Variants in ALMS1 observed in about 807,000 individuals in gnomAD.
ALMS1 encodes centrosome-associated protein ALMS1.
ALMS1 carries 271 observed loss-of-function variants against 352.2 expected under a neutral mutation model. The ratio of observed to expected loss-of-function variants is 0.77; its 90% confidence interval spans 0.70 to 0.85. The LOEUF is 0.85. Among genes scored for constraint, ALMS1 ranks in the 40% least tolerant of loss-of-function variants. ALMS1 has a pLI of 0.00. For synonymous variants in ALMS1, 1,865 were observed against 1,761.2 expected (o/e 1.06, Z -1.48); for missense variants, 5,445 against 4,870.7 (o/e 1.12, Z -3.51).
chr2:73,489,918 A>C lies in ALMS1; in HGVS notation c.7959A>C (p.Pro2653=). The C allele has an allele frequency of 1.2e-6, 2 of 1,614,232 alleles. No individual in the cohort carries two copies. The highest frequency in any genetic ancestry group is 8.5e-7 in the Non-Finnish European group (1 of 1,180,044). The change falls in exon 10 of 23, where the codon CCA becomes CCC. Residue 2653 remains proline (P), a synonymous_variant. Coordinates refer to ENST00000613296, the MANE Select transcript of ALMS1 (RefSeq NM_001378454.1). ...WNSLQLKSHS[P]FQNFIPDEFK... ...CCTTGCAGTTAAAAAGTCATTCCCCATTTCAGAACTTTATACCTGATGAAT... is the reference window on the plus strand; with the variant it reads ...CCTTGCAGTTAAAAAGTCATTCCCCCTTTCAGAACTTTATACCTGATGAAT...
intron 16 of ALMS1, among the ~76,000 whole-genome samples, chr2:73,576,815 T>A (rs543113274): frequency 6.9e-4 from 105 of 152,084 alleles, no homozygotes; most frequent in Admixed American, 1.3e-3. Flanking sequence ...AGAGACAGGG[T>A]TTCACCATGT....
chr2:73,510,911 C>T (rs1341573772), intron 10 of ALMS1, among the ~76,000 whole-genome samples: 1 of 152,190 alleles, frequency 6.6e-6, no homozygotes, highest in Admixed American at 6.5e-5. Context: ...AGATGCCCTG[C>T]CCAGAGAGGA....
At chr2:73,485,544 C>G (rs1672816883) in intron 9 of ALMS1, among the ~76,000 whole-genome samples, 1 of 152,238 alleles carries the variant, frequency 6.6e-6, no homozygotes, top group African/African-American at 2.4e-5. Flanking sequence ...TGTGCCCTTC[C>G]TCCAGAGATG....
At chr2:73,518,391 T>C (rs1337522380) in intron 10 of ALMS1, among the ~76,000 whole-genome samples, 2 of 152,186 alleles carry the variant, frequency 1.3e-5, no homozygotes, top group African/African-American at 4.8e-5. Context: ...GGTTGATTCA[T>C]GTCTTTGTTA....
intron 9 of ALMS1, 123 bp downstream of exon 9, chr2:73,455,418 GT>G: frequency 7.8e-7 from 1 of 1,280,234 alleles, no homozygotes; most frequent in Non-Finnish European, 1.1e-6. Context: ...TTTTGGTTTT[GT>G]TTTTGAGACA....
At chr2:73,423,114 G>A in intron 4 of ALMS1, 140 bp downstream of exon 4, 1 of 744,486 alleles carries the variant, frequency 1.3e-6, no homozygotes, top group Non-Finnish European at 2.4e-6. Flanking sequence ...ACAAAGTCCT[G>A]TACTAAGACT....
intron 10 of ALMS1, among the ~76,000 whole-genome samples, chr2:73,510,702 C>T (rs2103942670): frequency 6.6e-6 from 1 of 152,284 alleles, no homozygotes; most frequent in East Asian, 1.9e-4. Context: ...CAGGGACCCA[C>T]TTGTGGAGGC....
intron 18 of ALMS1, 65 bp from the exon 19 acceptor site, chr2:73,601,130 A>G: frequency 1.2e-6 from 2 of 1,610,066 alleles, no homozygotes; most frequent in Non-Finnish European, 1.7e-6. Context: ...TATCCTGGAT[A>G]AGAGCTGGGT....
chr2:73,563,433 T>C (rs1452697631), intron 15 of ALMS1, among the ~76,000 whole-genome samples: 3 of 151,896 alleles, frequency 2.0e-5, no homozygotes, highest in Non-Finnish European at 4.4e-5. Context: ...TAAAAAAGAA[T>C]GAAGGAGGGC....
At chr2:73,601,581 G>C in intron 19 of ALMS1, 145 bp downstream of exon 19, 1 of 1,322,222 alleles carries the variant, frequency 7.6e-7, no homozygotes, top group Non-Finnish European at 1.1e-6. Context: ...CTGTTTTCAC[G>C]CACGAGGGTT....
At chr2:73,538,710 T>C (rs1430447583) in intron 12 of ALMS1, among the ~76,000 whole-genome samples, 1 of 152,126 alleles carries the variant, frequency 6.6e-6, no homozygotes, top group South Asian at 2.1e-4. Context: ...TCCAACGGGC[T>C]TAAAAAATGG....
chr2:73,533,329 A>G (rs939574980), intron 11 of ALMS1, among the ~76,000 whole-genome samples: 2 of 152,184 alleles, frequency 1.3e-5, no homozygotes, highest in African/African-American at 4.8e-5. Flanking sequence ...AGGCTATGGT[A>G]TATGCTATTT....
At chr2:73,427,922 T>G (rs572246152) in intron 6 of ALMS1, among the ~76,000 whole-genome samples, 1 of 152,344 alleles carries the variant, frequency 6.6e-6, no homozygotes, top group South Asian at 2.1e-4. Context: ...TTGGTATGTT[T>G]TTGTAAAGCT....
intron 10 of ALMS1, among the ~76,000 whole-genome samples, chr2:73,510,710 G>A (rs576024834): frequency 6.6e-6 from 1 of 152,330 alleles, no homozygotes; most frequent in Admixed American, 6.5e-5. Flanking sequence ...CACTTGTGGA[G>A]GCATTCTGTC....
At position 73,453,801 on chromosome 2, in the gene ALMS1, C is replaced by T; in HGVS notation, c.7274C>T (p.Ser2425Phe). Residue 2425 changes from serine to phenylalanine, a missense_variant, in exon 8 of 23, where the codon TCC (serine) becomes TTC (phenylalanine). By Grantham distance (155) the Ser-to-Phe change is radical (BLOSUM62 -2). Transcript: ENST00000613296. ...AGTGATGCCAGTGATGGAAATGGTT[C>T]CTGCTCGTGGGACAGTAATTTACCA... The part of the protein sequence containing the change: ...SSSDASDGNG[S>F]CSWDSNLPES... 6.2e-7 allele frequency: 1 copy of T among 1,614,086 alleles called. No individual in the cohort carries two copies. The highest frequency in any genetic ancestry group is 8.5e-7 in the Non-Finnish European group (1 of 1,179,994).
intron 10 of ALMS1, among the ~76,000 whole-genome samples, chr2:73,505,727 A>G (rs183024639): frequency 1.1e-4 from 16 of 151,960 alleles, no homozygotes; most frequent in African/African-American, 3.9e-4. Flanking sequence ...AAAATTTTCT[A>G]CCATTCTGGA....
chr2:73,529,782 TC>T (rs1029543459), intron 11 of ALMS1, among the ~76,000 whole-genome samples: 2 of 152,176 alleles, frequency 1.3e-5, no homozygotes, highest in African/African-American at 2.4e-5. Context: ...TTGACTCAGT[TC>T]TGCATGGCTG....
At chr2:73,544,141 A>G (rs146698823) in intron 12 of ALMS1, among the ~76,000 whole-genome samples, 1 of 152,346 alleles carries the variant, frequency 6.6e-6, no homozygotes, top group African/African-American at 2.4e-5. Flanking sequence ...GATAGACTGG[A>G]TTAATTAAAT....
intron 10 of ALMS1, among the ~76,000 whole-genome samples, chr2:73,513,409 C>G (rs979596305): frequency 6.6e-6 from 1 of 152,158 alleles, no homozygotes; most frequent in African/African-American, 2.4e-5. Flanking sequence ...ACATTGGTCT[C>G]CCTCTACTTG....
Sources: gnomAD v4.1 joint callset for allele counts (sites outside exome capture counted in the v4.1 genomes callset) on GRCh38, gnomAD v4.1.1 for gene constraint, MANE v1.5 for transcripts, NCBI Gene and HGNC (gene_info 2026-07-23, HGNC 2026-07-21) for gene names.